The following LANCL2 variants were observed in gnomAD, a reference collection of about 807,000 sequenced individuals.
LANCL2 encodes LanC like glutathione S-transferase 2.
LANCL2 carries 33 observed loss-of-function variants against 56.9 expected under a neutral mutation model. That is an observed-to-expected ratio of 0.58 (90% CI 0.44 to 0.78). The LOEUF is 0.78. Ranked by LOEUF, LANCL2 falls within the 30% of genes least tolerant of loss-of-function variation. The probability of loss-of-function intolerance (pLI) is 0.00; values close to 1 mark genes in which losing one functional copy is unlikely to be tolerated. For missense variants in LANCL2, 562 were observed against 580.2 expected (o/e 0.97, Z 0.32); for synonymous variants, 233 against 228.2 (o/e 1.02, Z -0.19).
At chr7:55,385,393 C>T (rs113909928) in intron 1 of LANCL2, among the ~76,000 whole-genome samples, 5 of 152,040 alleles carry the variant, frequency 3.3e-5, no homozygotes, top group South Asian at 4.2e-4. Flanking sequence ...GGACCTGCCC[C>T]GATAATCATG....
chr7:55,402,465 G>T (rs1468557718), intron 5 of LANCL2, among the ~76,000 whole-genome samples: 1 of 140,676 alleles, frequency 7.1e-6, no homozygotes, highest in African/African-American at 2.7e-5. Flanking sequence ...GCGGCTGGCC[G>T]GGCAGAGGGG....
At chr7:55,409,384 C>T (rs965781169) in intron 5 of LANCL2, among the ~76,000 whole-genome samples, 2 of 152,140 alleles carry the variant, frequency 1.3e-5, no homozygotes, top group African/African-American at 4.8e-5. Context: ...CCACCGTGCC[C>T]GGCCAACTTC....
Position 55,428,412 on chromosome 7 carries a change from G to T in LANCL2, c.1223G>T (p.Cys408Phe). 6.2e-7 allele frequency: 1 copy of T among 1,614,212 alleles called. No homozygotes were observed. Among genetic ancestry groups the T allele is most frequent in the Non-Finnish European group, 8.5e-7 (1 of 1,180,010 alleles). The change falls in exon 8 of 9, where the codon TGC becomes TTC. Residue 408 changes from cysteine to phenylalanine, a missense_variant. By Grantham distance (205) the Cys-to-Phe change is radical. This residue lies in a region of LANCL2 where 378 missense variants were observed against 468.4 expected (regional missense o/e 0.81). Transcript: ENST00000254770. ...TGTCTAGATTACGGAGCACACGGGT[G>T]CCGCATTCCTGACAGACCCTATTCG... is the stretch of plus-strand genomic sequence containing the variant. ...EWCLDYGAHG[C>F]RIPDRPYSLF...
chr7:55,368,135 A>G (rs1316789033), intron 1 of LANCL2, among the ~76,000 whole-genome samples: 2 of 152,260 alleles, frequency 1.3e-5, no homozygotes, highest in African/African-American at 4.8e-5. Context: ...GAGAATAACA[A>G]AAATAATGTT....
chr7:55,398,426 T>C lies in LANCL2; in HGVS notation c.326T>C (p.Ile109Thr). The C allele has an allele frequency of 5.6e-6, 9 of 1,612,742 alleles. No homozygotes were observed. The highest frequency in any genetic ancestry group is 7.6e-6 in the Non-Finnish European group (9 of 1,178,730). ...TTGGGGTGGGAAATTATTCCAGGCA[T>C]AGCCCTTTTGTACCTGCAGTTGTAC... ...DCSAYTGWTGIALLYLQLYRV... is the reference protein window; with the variant it reads ...DCSAYTGWTGTALLYLQLYRV... The change falls in exon 3 of 9, where the codon ATA becomes ACA. Residue 109 changes from isoleucine (I) to threonine (T), a missense_variant. By Grantham distance (89) the Ile-to-Thr change is moderately conservative (BLOSUM62 -1). Transcript: ENST00000254770.
At chr7:55,383,222 CAG>C (rs1472715828) in intron 1 of LANCL2, among the ~76,000 whole-genome samples, 2 of 152,050 alleles carry the variant, frequency 1.3e-5, no homozygotes, top group Non-Finnish European at 2.9e-5. Context: ...TTTTAAGGAG[CAG>C]AGAGTTTAAT....
intron 6 of LANCL2, among the ~76,000 whole-genome samples, chr7:55,415,007 G>GGAAAGA (rs1790511776): frequency 1.0e-5 from 1 of 99,974 alleles, no homozygotes; most frequent in Non-Finnish European, 2.2e-5. Context: ...AAAAAGAAAA[G>GGAAAGA]AAAAGAAAAA....
intron 1 of LANCL2, among the ~76,000 whole-genome samples, chr7:55,374,085 C>T (rs1383568599): frequency 3.9e-5 from 6 of 152,226 alleles, no homozygotes; most frequent in Admixed American, 6.5e-5. Flanking sequence ...CAAAATCCTG[C>T]TATCTCCATG....
chr7:55,366,644 T>C (rs1351472513), intron 1 of LANCL2, among the ~76,000 whole-genome samples: 1 of 152,170 alleles, frequency 6.6e-6, no homozygotes, highest in South Asian at 2.1e-4. Context: ...CCCTGGGCTC[T>C]CGCCGACAAA....
chr7:55,372,733 T>C (rs1471229214), intron 1 of LANCL2, among the ~76,000 whole-genome samples: 2 of 152,204 alleles, frequency 1.3e-5, no homozygotes, highest in Non-Finnish European at 2.9e-5. Flanking sequence ...AAAAATTTGT[T>C]TACATTTTAT....
chr7:55,416,638 C>T (rs1790542873), intron 6 of LANCL2, among the ~76,000 whole-genome samples: 1 of 151,944 alleles, frequency 6.6e-6, no homozygotes, highest in Non-Finnish European at 1.5e-5. Flanking sequence ...TGTCTTTTTG[C>T]TATTTTTGAA....
chr7:55,378,908 G>A (rs1008729075), intron 1 of LANCL2, among the ~76,000 whole-genome samples: 20 of 152,312 alleles, frequency 1.3e-4, no homozygotes, highest in African/African-American at 4.1e-4. Context: ...CGAGGCAGGC[G>A]GATCACGAGG....
chr7:55,402,260 G>T (rs1244459437), intron 5 of LANCL2, among the ~76,000 whole-genome samples: 1 of 59,630 alleles, frequency 1.7e-5, no homozygotes. Flanking sequence ...TGACCCCCCC[G>T]CCTCCCTCCC....
At chr7:55,402,543 G>A (rs536474340) in intron 5 of LANCL2, among the ~76,000 whole-genome samples, 10 of 140,358 alleles carry the variant, frequency 7.1e-5, no homozygotes, top group African/African-American at 2.4e-4. Context: ...GCGGCTTGCC[G>A]GGCGGGGGGC....
chr7:55,372,673 C>T lies in LANCL2; in HGVS notation c.204+6444C>T, dbSNP rs1220888990. 2.0e-5 allele frequency among the ~76,000 whole-genome samples: 3 copies of T among 151,868 alleles called. No homozygotes were observed. The East Asian group carries it at 5.8e-4, about 29-fold the overall frequency. The stretch of plus-strand genomic sequence containing the variant: ...GAGTTGAGTTAATGATAGCTATTAG[C>T]ATTATTATAGACATAGCTTATTTGT... On this transcript the variant is annotated intron_variant, in intron 1 of 8. Transcript: ENST00000254770.
rs1181445388 is a variant in LANCL2, at chr7:55,419,398, T to TC, written c.1009-5854dup. Among the ~76,000 whole-genome samples, 11 of 148,484 alleles carry TC rather than the reference T, an allele frequency of 7.4e-5. No individual in the cohort carries two copies. The East Asian group carries it at 1.9e-3, about 26-fold the overall frequency. Reference sequence around the variant, plus strand: ...AGTGATAGTTTCTCTTTTGTTCTTTTCCTTTTTTTTTTTTTTTTTTGGAGA... The same window carrying TC: ...AGTGATAGTTTCTCTTTTGTTCTTTTCCCTTTTTTTTTTTTTTTTTTGGAGA... On this transcript the variant is annotated intron_variant, in intron 6 of 8. Transcript: ENST00000254770.
At chr7:55,373,178 T>G (rs1239648475) in intron 1 of LANCL2, among the ~76,000 whole-genome samples, 1 of 151,174 alleles carries the variant, frequency 6.6e-6, no homozygotes, top group Non-Finnish European at 1.5e-5. Context: ...CTTACTATAA[T>G]TCATTTCTAT....
At chr7:55,390,219 A>G (rs184938149) in intron 1 of LANCL2, among the ~76,000 whole-genome samples, 1 of 138,762 alleles carries the variant, frequency 7.2e-6, no homozygotes, top group Non-Finnish European at 1.7e-5. Context: ...CAAATATATG[A>G]AAGCAAAAAG....
intron 1 of LANCL2, among the ~76,000 whole-genome samples, chr7:55,367,486 A>T (rs1023473341): frequency 1.4e-4 from 22 of 152,360 alleles, no homozygotes; most frequent in African/African-American, 5.1e-4. Context: ...GCACTTTGGG[A>T]GGCCGAAGCG....
Sources: gnomAD v4.1 joint callset for allele counts (sites outside exome capture counted in the v4.1 genomes callset) on GRCh38, gnomAD v4.1.1 for gene constraint, gnomAD v4.1.1 regional missense constraint, MANE v1.5 for transcripts, NCBI Gene and HGNC (gene_info 2026-07-23, HGNC 2026-07-21) for gene names.